Variants in DST observed in about 807,000 individuals in gnomAD.
DST encodes dystonin, also known as bullous pemphigoid antigen.
DST carries 253 observed loss-of-function variants against 875.2 expected under a neutral mutation model. The ratio of observed to expected loss-of-function variants is 0.29; its 90% CI spans 0.26 to 0.32. The LOEUF is 0.32. DST is among the 10% of genes least tolerant of loss of function. The pLI is 1.00. For synonymous variants in DST, 3,124 were observed against 3,197.1 expected, an observed-to-expected ratio of 0.98 and a Z score of 0.77; for missense variants, 8,287 against 9,111.6, an observed-to-expected ratio of 0.91 and a Z score of 3.68.
chr6:56,870,768 G>C (rs116458068), intron 3 of DST, among the ~76,000 whole-genome samples: 152 of 152,046 alleles, frequency 1.0e-3, no homozygotes, highest in Non-Finnish European at 1.9e-3. Context: ...AGCATACAAT[G>C]AAACAAGGCC....
chr6:56,591,736 G>C (rs1049902033), intron 49 of DST, among the ~76,000 whole-genome samples: 3 of 152,124 alleles, frequency 2.0e-5, no homozygotes, highest in African/African-American at 7.2e-5. Context: ...ACTTTGGGAG[G>C]CTGAGGCAGG....
rs1335521815 is a variant in DST at position 56,532,530 on chromosome 6, T to A, written c.16942-20A>T. ...GAGAAGCTTGAGACAAAACATTAAATATAAAAAAGCAAGGGAATAATTGTA... is the reference window on the plus strand; with the variant it reads ...GAGAAGCTTGAGACAAAACATTAAAAATAAAAAAGCAAGGGAATAATTGTA... On this transcript the variant is annotated intron_variant, in intron 63 of 103. Transcript: ENST00000680361. 6.5e-7 allele frequency: 1 copy of A among 1,546,974 alleles called. No individual in the cohort carries two copies. Among genetic ancestry groups the A allele is most frequent in the Admixed American group, 2.1e-5 (1 of 46,730 alleles).
At chr6:56,767,242 T>C (rs1322687355) in intron 4 of DST, among the ~76,000 whole-genome samples, 1 of 152,176 alleles carries the variant, frequency 6.6e-6, no homozygotes, top group African/African-American at 2.4e-5. Flanking sequence ...GAGTTGAAGA[T>C]ACACTGGTAA....
chr6:56,679,237 C>T (rs1248374756), intron 9 of DST, among the ~76,000 whole-genome samples: 1 of 152,162 alleles, frequency 6.6e-6, no homozygotes, highest in Non-Finnish European at 1.5e-5. Context: ...TTTGTCCTTA[C>T]TCTGCAACCA....
intron 61 of DST, among the ~76,000 whole-genome samples, chr6:56,545,421 TTTAC>T (rs1422446968): frequency 2.0e-5 from 3 of 151,636 alleles, no homozygotes; most frequent in African/African-American, 7.3e-5. Context: ...AAAATGTAGC[TTTAC>T]TTACTTTTTG....
chr6:56,703,031 G>T (rs553139587), intron 7 of DST, among the ~76,000 whole-genome samples: 4 of 152,288 alleles, frequency 2.6e-5, no homozygotes, highest in Non-Finnish European at 5.9e-5. Context: ...AAAAGAAGAA[G>T]CACGTCTGTC....
Position 56,509,828 on chromosome 6 carries a change from C to T in DST, c.18826G>A (p.Val6276Met), listed in dbSNP as rs377620360. The T allele has an allele frequency of 1.5e-5, 25 of 1,613,374 alleles. No individual in the cohort carries two copies. The highest frequency in any genetic ancestry group is 6.7e-5 in the East Asian group (3 of 44,876). The change falls in exon 74 of 104, where the codon GTG (valine) becomes ATG (methionine). Residue 6276 changes from valine to methionine, a missense_variant. By Grantham distance (21) the Val-to-Met change is conservative. Transcript: ENST00000680361. ...GAGGGTGGCTGCCTCAGACGTTCCA[C>T]GATGCGTTCCAGGCTCTCAAGGATC... ...DQILESLERIVERLRQPPSIS... is the reference protein window; with the variant it reads ...DQILESLERIMERLRQPPSIS...
chr6:56,910,284 A>T (rs571437828), intron 2 of DST, among the ~76,000 whole-genome samples: 1 of 152,198 alleles, frequency 6.6e-6, no homozygotes, highest in South Asian at 2.1e-4. Context: ...CCCCTTCTTC[A>T]GCCTCCTGAG....
intron 7 of DST, among the ~76,000 whole-genome samples, chr6:56,702,471 C>G (rs1176895157): frequency 6.6e-6 from 1 of 150,980 alleles, no homozygotes; most frequent in Non-Finnish European, 1.5e-5. Context: ...TAAAAATCAC[C>G]AAGAAGGAGA....
chr6:56,856,570 A>G (rs561992711), intron 3 of DST, among the ~76,000 whole-genome samples: 13 of 152,340 alleles, frequency 8.5e-5, no homozygotes, highest in Admixed American at 5.9e-4. Context: ...AGATCCTTCA[A>G]AAAGGTCAAT....
intron 2 of DST, among the ~76,000 whole-genome samples, chr6:56,924,131 A>G (rs561840717): frequency 6.6e-6 from 1 of 152,238 alleles, no homozygotes; most frequent in East Asian, 1.9e-4. Flanking sequence ...CTCAAAAAAA[A>G]ACCCTCCCAG....
rs1007978542 is a variant in DST, at chr6:56,492,327, T to C, written c.20657A>G (p.Lys6886Arg). ...ACTTTGTACACTGATAAGTAGATTC[T>C]TGATTAGAACAACATCTTGTTTCTG... ...FSQKQDVVLIKNLLISVQSRW... is the reference protein window; with the variant it reads ...FSQKQDVVLIRNLLISVQSRW... Residue 6886 changes from lysine (K) to arginine (R), a missense_variant, in exon 85 of 104, where the codon AAG becomes AGG. This residue lies in a region of DST where 1,292 missense variants were observed against 1,552.7 expected (regional missense o/e 0.83). Transcript: ENST00000680361. 1.9e-6 allele frequency: 3 copies of C among 1,613,898 alleles called. No individual in the cohort carries two copies. The highest frequency in any genetic ancestry group is 3.3e-5 in the Admixed American group (2 of 60,004).
At chr6:56,568,162 A>C (rs1260670977) in intron 55 of DST, among the ~76,000 whole-genome samples, 1 of 152,210 alleles carries the variant, frequency 6.6e-6, no homozygotes, top group East Asian at 1.9e-4. Flanking sequence ...CATTTAATTA[A>C]GGTAAAAAGC....
intron 4 of DST, among the ~76,000 whole-genome samples, chr6:56,773,781 T>C (rs2099672331): frequency 6.6e-6 from 1 of 152,230 alleles, no homozygotes; most frequent in African/African-American, 2.4e-5. Flanking sequence ...ACTCAGCCTG[T>C]GAGCCACCAA....
At chr6:56,596,234 G>A (rs1380086935) in intron 47 of DST, among the ~76,000 whole-genome samples, 3 of 151,782 alleles carry the variant, frequency 2.0e-5, no homozygotes, top group Non-Finnish European at 4.4e-5. Flanking sequence ...TCACCATGTT[G>A]GCCAGGATGG....
At chr6:56,747,318 C>G (rs1284503687) in intron 4 of DST, among the ~76,000 whole-genome samples, 2 of 152,088 alleles carry the variant, frequency 1.3e-5, no homozygotes. Flanking sequence ...ATCTGCTCTC[C>G]CAGTCATCAG....
intron 4 of DST, among the ~76,000 whole-genome samples, chr6:56,769,641 C>A (rs1446287551): frequency 6.6e-6 from 1 of 152,014 alleles, no homozygotes; most frequent in Non-Finnish European, 1.5e-5. Flanking sequence ...CATGGCAAAA[C>A]CCCATCTCTA....
At chr6:56,616,070 G>A in intron 36 of DST, 1 of 1,614,140 alleles carries the variant, frequency 6.2e-7, no homozygotes, top group Non-Finnish European at 8.5e-7. Context: ...ATTTCTACGG[G>A]AGGCTTTTAG....
intron 12 of DST, 121 bp from the exon 13 acceptor site, chr6:56,648,810 G>C (rs1049338646): frequency 1.2e-6 from 1 of 819,034 alleles, no homozygotes; most frequent in Non-Finnish European, 1.8e-6. Flanking sequence ...GACAGAACCA[G>C]CTAAATGTTT....
Sources: gnomAD v4.1 joint callset for allele counts (sites outside exome capture counted in the v4.1 genomes callset) on GRCh38, gnomAD v4.1.1 for gene constraint, gnomAD v4.1.1 regional missense constraint, MANE v1.5 for transcripts, NCBI Gene and HGNC (gene_info 2026-07-23, HGNC 2026-07-21) for gene names.